Variants in LPP observed in about 807,000 individuals in gnomAD.
LPP encodes LIM domain containing preferred translocation partner in lipoma.
In LPP, 38 loss-of-function variants were observed where a neutral mutation model predicts 60.4. That is an observed-to-expected ratio of 0.63 (90% CI 0.49 to 0.83). The LOEUF (loss-of-function observed/expected upper bound fraction) is 0.83, where lower values mean the gene tolerates loss of function less well. LPP is among the 40% of genes least tolerant of loss of function. The pLI, the probability that LPP is intolerant of heterozygous loss-of-function variation, is 0.00. For missense variants in LPP, 902 were observed against 783.6 expected (o/e 1.15, Z -1.80); for synonymous variants, 328 against 290.8 (o/e 1.13, Z -1.30).
intron 2 of LPP, among the ~76,000 whole-genome samples, chr3:188,299,862 T>C (rs2150131814): frequency 6.6e-6 from 1 of 152,330 alleles, no homozygotes; most frequent in African/African-American, 2.4e-5. Flanking sequence ...GTTATGAGCT[T>C]CACCGCTCTG....
intron 4 of LPP, among the ~76,000 whole-genome samples, chr3:188,412,046 T>C (rs992278750): frequency 1.3e-5 from 2 of 152,066 alleles, no homozygotes; most frequent in African/African-American, 4.8e-5. Context: ...ATCATTAAAA[T>C]AGATAATCAT....
chr3:188,568,458 A>T (rs1453642772), intron 6 of LPP: 1 of 152,014 alleles, frequency 6.6e-6, no homozygotes, highest in African/African-American at 2.4e-5. Context: ...TGTGCCAGAG[A>T]CTTCCTATGT....
At chr3:188,538,966 GC>G (rs755230023) in intron 6 of LPP, among the ~76,000 whole-genome samples, 49 of 152,142 alleles carry the variant, frequency 3.2e-4, no homozygotes, top group Non-Finnish European at 6.9e-4. Flanking sequence ...ATATGAATGG[GC>G]AAATCCAGAG....
At chr3:188,683,350 A>G (rs55661102) in intron 7 of LPP, among the ~76,000 whole-genome samples, 20,062 of 152,122 alleles carry the variant, frequency 0.13, 1,494 homozygotes, top group Non-Finnish European at 0.17. Context: ...CTTAGGAGAC[A>G]CATTGGAGAA....
chr3:188,550,495 T>A (rs1001055111), intron 6 of LPP, among the ~76,000 whole-genome samples: 1 of 147,254 alleles, frequency 6.8e-6, no homozygotes, highest in East Asian at 2.0e-4. Flanking sequence ...GGAGAATCGC[T>A]TGAACCTGAG....
intron 3 of LPP, among the ~76,000 whole-genome samples, chr3:188,392,627 T>C (rs1779977342): frequency 6.6e-6 from 1 of 152,170 alleles, no homozygotes; most frequent in Non-Finnish European, 1.5e-5. Context: ...CAGTTATTCT[T>C]GAATTTTAAC....
chr3:188,173,067 C>T (rs552543870), intron 1 of LPP, among the ~76,000 whole-genome samples: 9 of 152,258 alleles, frequency 5.9e-5, no homozygotes, highest in Admixed American at 5.9e-4. Context: ...CAGGGTCTCA[C>T]TGTGTTGCCC....
At chr3:188,808,576 GC>G (rs1560233065) in intron 9 of LPP, among the ~76,000 whole-genome samples, 1 of 152,132 alleles carries the variant, frequency 6.6e-6, no homozygotes, top group Non-Finnish European at 1.5e-5. Context: ...AAGTATATGG[GC>G]AGGGCATTAA....
chr3:188,524,517 C>T, intron 5 of LPP, 148 bp from the exon 6 acceptor site: 4 of 743,602 alleles, frequency 5.4e-6, no homozygotes, highest in Non-Finnish European at 6.6e-6. Flanking sequence ...TCTCAGCCTA[C>T]CTCACTGAGA....
At chr3:188,772,892 C>T (rs982267961) in intron 9 of LPP, among the ~76,000 whole-genome samples, 1 of 152,106 alleles carries the variant, frequency 6.6e-6, no homozygotes. Context: ...CTTGCCCCTT[C>T]GTGCACCTAG....
chr3:188,698,345 C>T (rs1863716201), intron 7 of LPP, among the ~76,000 whole-genome samples: 1 of 152,028 alleles, frequency 6.6e-6, no homozygotes, highest in Non-Finnish European at 1.5e-5. Flanking sequence ...TCTTGGAATT[C>T]TCTTGCCTTT....
At chr3:188,156,078 C>G (rs1716298474) in intron 1 of LPP, among the ~76,000 whole-genome samples, 1 of 152,108 alleles carries the variant, frequency 6.6e-6, no homozygotes, top group Non-Finnish European at 1.5e-5. Flanking sequence ...TTAATTTCTA[C>G]AATGCAGGCC....
chr3:188,841,473 C>T (rs1760002502), intron 9 of LPP, among the ~76,000 whole-genome samples: 1 of 148,662 alleles, frequency 6.7e-6, no homozygotes, highest in Non-Finnish European at 1.5e-5. Context: ...CTCACTGCAA[C>T]CTCTGCCTCC....
chr3:188,853,019 G>A (rs183420358), intron 9 of LPP, among the ~76,000 whole-genome samples: 27 of 152,006 alleles, frequency 1.8e-4, no homozygotes, highest in Admixed American at 1.3e-3. Flanking sequence ...GCACAGTGTC[G>A]GGCACCTGTA....
rs775410887 is a variant in LPP, at chr3:188,874,395, C to A, written c.1755C>A (p.Tyr585Ter). The A allele has an allele frequency of 2.5e-6, 4 of 1,613,974 alleles. No homozygotes were observed. The highest frequency in any genetic ancestry group is 1.3e-5 in the African/African-American group (1 of 74,918). Residue 585 changes from tyrosine (Y) to a stop codon, truncating the protein, a stop_gained, in exon 12 of 12, where the codon TAC becomes TAA. Transcript: ENST00000617246. LOFTEE classifies it high-confidence loss of function. The stretch of plus-strand genomic sequence containing the variant: ...CTGAAGGAGATAACCAAGGCTGCTA[C>A]CCCTTGGATGGGCACATCCTCTGCA... ...LLSEGDNQGC[Y>*]PLDGHILCKT... is the part of the protein sequence containing the mutation.
chr3:188,288,721 T>TC (rs1174691616), intron 2 of LPP, among the ~76,000 whole-genome samples: 2 of 152,164 alleles, frequency 1.3e-5, no homozygotes, highest in Non-Finnish European at 2.9e-5. Context: ...CATTTGTTTT[T>TC]CATTTGATGT....
At chr3:188,640,152 A>T (rs1849749422) in intron 7 of LPP, among the ~76,000 whole-genome samples, 1 of 150,024 alleles carries the variant, frequency 6.7e-6, no homozygotes, top group Non-Finnish European at 1.5e-5. Flanking sequence ...GATTAAGAAA[A>T]TGTGGCACAT....
At chr3:188,808,552 G>A (rs1434407268) in intron 9 of LPP, among the ~76,000 whole-genome samples, 1 of 152,036 alleles carries the variant, frequency 6.6e-6, no homozygotes, top group African/African-American at 2.4e-5. Context: ...TATTCCAAAG[G>A]GACAATCCGG....
At chr3:188,874,132 T>C (rs1262181706) in intron 11 of LPP, among the ~76,000 whole-genome samples, 1 of 152,122 alleles carries the variant, frequency 6.6e-6, no homozygotes, top group African/African-American at 2.4e-5. Context: ...TTTATGTCCA[T>C]TTATATTTAT....
Sources: gnomAD v4.1 joint callset for allele counts (sites outside exome capture counted in the v4.1 genomes callset) on GRCh38, gnomAD v4.1.1 for gene constraint, MANE v1.5 for transcripts, NCBI Gene and HGNC (gene_info 2026-07-23, HGNC 2026-07-21) for gene names.